Variants in OCA2 observed in about 807,000 individuals in gnomAD.
The protein encoded by OCA2 is P protein.
OCA2 carries 77 observed loss-of-function variants against 100.2 expected under a neutral mutation model. The ratio of observed to expected loss-of-function variants is 0.77; its 90% confidence interval spans 0.64 to 0.93. OCA2 has a LOEUF of 0.93. OCA2 is among the 40% of genes least tolerant of loss of function. The probability of loss-of-function intolerance (pLI) is 0.00; values close to 1 mark genes in which losing one functional copy is unlikely to be tolerated. For synonymous variants in OCA2, 432 were observed against 439.2 expected, an observed-to-expected ratio of 0.98 and a Z score of 0.21; for missense variants, 1,062 against 1,089.1, an observed-to-expected ratio of 0.98 and a Z score of 0.35.
At chr15:28,072,085 C>T (rs935889677) in intron 2 of OCA2, among the ~76,000 whole-genome samples, 1 of 152,292 alleles carries the variant, frequency 6.6e-6, no homozygotes, top group African/African-American at 2.4e-5. Context: ...CAAGTAACCC[C>T]GGCCGGGCAC....
intron 23 of OCA2, among the ~76,000 whole-genome samples, chr15:27,769,115 A>G (rs1465755845): frequency 1.3e-5 from 2 of 152,168 alleles, no homozygotes; most frequent in Non-Finnish European, 2.9e-5. Flanking sequence ...CAAGGCAACA[A>G]TCTCAACCAA....
At chr15:28,083,147 C>T (rs531650000) in intron 1 of OCA2, among the ~76,000 whole-genome samples, 10 of 152,310 alleles carry the variant, frequency 6.6e-5, no homozygotes, top group African/African-American at 2.2e-4. Flanking sequence ...ATACAGTCTT[C>T]ACAATGCCCC....
chr15:27,830,610 T>C (rs1358665424), intron 23 of OCA2, among the ~76,000 whole-genome samples: 1 of 152,166 alleles, frequency 6.6e-6, no homozygotes, highest in East Asian at 1.9e-4. Context: ...TATCAACTTC[T>C]GGGAAGTTTC....
intron 2 of OCA2, among the ~76,000 whole-genome samples, chr15:28,055,654 G>T (rs907086544): frequency 5.3e-5 from 8 of 152,222 alleles, no homozygotes; most frequent in African/African-American, 1.7e-4. Context: ...GTGGTTTGGT[G>T]CTCCAGCCTC....
At chr15:28,048,903 C>T (rs139678681) in intron 2 of OCA2, among the ~76,000 whole-genome samples, 9 of 152,088 alleles carry the variant, frequency 5.9e-5, no homozygotes, top group South Asian at 4.2e-4. Context: ...CTATTTGAGA[C>T]GCTGAGGAGG....
intron 1 of OCA2, among the ~76,000 whole-genome samples, chr15:28,094,223 C>T (rs1217698518): frequency 6.6e-6 from 1 of 152,176 alleles, no homozygotes; most frequent in African/African-American, 2.4e-5. Context: ...CACTAGCACA[C>T]AGCCCGTCCT....
chr15:28,091,560 A>G (rs566262255), intron 1 of OCA2, among the ~76,000 whole-genome samples: 64 of 152,334 alleles, frequency 4.2e-4, no homozygotes, highest in African/African-American at 1.5e-3. Flanking sequence ...TGACCTAGCA[A>G]TTCCACTTGT....
intron 4 of OCA2, among the ~76,000 whole-genome samples, chr15:28,025,146 T>C (rs1275077011): frequency 6.6e-6 from 1 of 152,208 alleles, no homozygotes; most frequent in Non-Finnish European, 1.5e-5. Flanking sequence ...ACATAGCTTG[T>C]TGTTGGGGAA....
rs71132824 is a variant in OCA2 at position 27,831,284 on chromosome 15, C to CAAAAAAAA, written c.2432+13667_2432+13674dup. Among the ~76,000 whole-genome samples the CAAAAAAAA allele has an allele frequency of 6.9e-3, 432 of 62,578 alleles. 61 individuals are homozygous for CAAAAAAAA. In the East Asian group the frequency reaches 0.14, roughly 20 times the overall value. The allele number at this position is 62,578 out of a possible 152,430, so 41.1% of individuals were successfully genotyped here. ...CTGGTGACAGAGCGAGACTCCGTCT[C>CAAAAAAAA]AAAAAAAAAAAAAAAAAAAAAATCG... On this transcript the variant is annotated intron_variant, in intron 23 of 23. Transcript: ENST00000354638.
At chr15:27,908,501 C>G (rs2038263772) in intron 19 of OCA2, among the ~76,000 whole-genome samples, 1 of 152,184 alleles carries the variant, frequency 6.6e-6, no homozygotes, top group Non-Finnish European at 1.5e-5. Context: ...CCAAGACCAT[C>G]CTGACACTTG....
At chr15:27,791,042 G>A (rs2033056094) in intron 23 of OCA2, among the ~76,000 whole-genome samples, 1 of 151,764 alleles carries the variant, frequency 6.6e-6, no homozygotes, top group South Asian at 2.1e-4. Context: ...TCCTGCCTCT[G>A]CCTCTCAAAG....
chr15:27,897,083 G>C (rs543242126), intron 19 of OCA2, among the ~76,000 whole-genome samples: 16 of 151,900 alleles, frequency 1.1e-4, no homozygotes, highest in Non-Finnish European at 2.4e-4. Context: ...CTAGCTACTC[G>C]GGAGGCTGAG....
intron 23 of OCA2, among the ~76,000 whole-genome samples, chr15:27,827,593 C>T (rs2034782882): frequency 6.6e-6 from 1 of 151,162 alleles, no homozygotes; most frequent in African/African-American, 2.4e-5. Context: ...AAAAATACAA[C>T]AGAAACCATC....
At chr15:27,959,604 C>A (rs1042932094) in intron 15 of OCA2, among the ~76,000 whole-genome samples, 7 of 152,194 alleles carry the variant, frequency 4.6e-5, no homozygotes, top group African/African-American at 1.7e-4. Flanking sequence ...AGTGCTCACA[C>A]CTCTGCGTGG....
At chr15:27,720,542 T>TTA in the OCA2 span, among the ~76,000 whole-genome samples, 3 of 151,154 alleles carry the variant, frequency 2.0e-5, no homozygotes, top group African/African-American at 7.3e-5. Context: ...ATGTATGTTT[T>TTA]TATATATATA....
chr15:28,081,529 G>A (rs988131207), intron 2 of OCA2, 119 bp downstream of exon 2: 1 of 938,862 alleles, frequency 1.1e-6, no homozygotes, highest in Non-Finnish European at 1.7e-6. Context: ...TCTAATGCTG[G>A]AAAAATTCTT....
chr15:28,078,431 CAGA>C (rs765975480), intron 2 of OCA2, among the ~76,000 whole-genome samples: 48 of 152,322 alleles, frequency 3.2e-4, no homozygotes, highest in Admixed American at 3.3e-4. Context: ...CAACAGAATA[CAGA>C]AGAAGGGATG....
intron 23 of OCA2, among the ~76,000 whole-genome samples, chr15:27,779,588 G>T (rs1190742799): frequency 6.6e-6 from 1 of 151,964 alleles, no homozygotes; most frequent in African/African-American, 2.4e-5. Context: ...ACCCTTTTCT[G>T]GTTTAGTTAC....
At chr15:27,721,855 G>T in the OCA2 span, among the ~76,000 whole-genome samples, 1 of 152,086 alleles carries the variant, frequency 6.6e-6, no homozygotes, top group Non-Finnish European at 1.5e-5. Context: ...GTTCTTTAGA[G>T]AAAATATGGT....
Sources: allele counts gnomAD v4.1 joint callset (sites outside exome capture counted in the v4.1 genomes callset), GRCh38; gene constraint gnomAD v4.1.1; transcripts MANE v1.5; gene names NCBI Gene and HGNC (gene_info 2026-07-23, HGNC 2026-07-21).